SETBP1: variants seen among roughly 807,000 people sequenced by gnomAD.
SETBP1 encodes the protein SET-binding protein.
In SETBP1, 9 loss-of-function variants were observed where a neutral mutation model predicts 101.0. That is an observed-to-expected ratio of 0.09 (90% confidence interval 0.05 to 0.16). The LOEUF is 0.16. Ranked by LOEUF, SETBP1 falls within the 10% of genes least tolerant of loss-of-function variation. SETBP1 has a pLI of 1.00. For missense variants in SETBP1, 1,858 were observed against 2,033.8 expected (o/e 0.91, Z 1.66); for synonymous variants, 818 against 788.5 (o/e 1.04, Z -0.63).
At chr18:44,976,185 C>A (rs2071984392) in intron 4 of SETBP1, among the ~76,000 whole-genome samples, 1 of 151,768 alleles carries the variant, frequency 6.6e-6, no homozygotes, top group Admixed American at 6.6e-5. Flanking sequence ...TGCACAAGGC[C>A]CAGGAAATGT....
chr18:44,870,359 A>C (rs2069245083), intron 3 of SETBP1: 1 of 152,246 alleles, frequency 6.6e-6, no homozygotes, highest in African/African-American at 2.4e-5. Context: ...CAGATCACAC[A>C]GAGAGCTAGG....
At chr18:44,776,183 G>A (rs772243144) in intron 2 of SETBP1, among the ~76,000 whole-genome samples, 3 of 152,070 alleles carry the variant, frequency 2.0e-5, no homozygotes, top group Non-Finnish European at 4.4e-5. Flanking sequence ...CAAGCAAGAA[G>A]CACTTTTCTT....
At chr18:44,876,346 C>T (rs1221088898) in intron 3 of SETBP1, among the ~76,000 whole-genome samples, 3 of 152,190 alleles carry the variant, frequency 2.0e-5, no homozygotes, top group African/African-American at 7.2e-5. Flanking sequence ...CACCCTCCCA[C>T]ACCCCCACAC....
chr18:44,760,725 T>G (rs2070618869), intron 2 of SETBP1, among the ~76,000 whole-genome samples: 1 of 152,172 alleles, frequency 6.6e-6, no homozygotes, highest in African/African-American at 2.4e-5. Context: ...TAGAATTTGA[T>G]TTTTTTATAA....
At chr18:45,030,985 G>A (rs575784274) in intron 4 of SETBP1, among the ~76,000 whole-genome samples, 14 of 151,802 alleles carry the variant, frequency 9.2e-5, no homozygotes, top group Admixed American at 9.2e-4. Context: ...TTAATTTTTT[G>A]AAGGGTTTTT....
chr18:44,722,202 G>T (rs2069615315), intron 2 of SETBP1, among the ~76,000 whole-genome samples: 1 of 152,142 alleles, frequency 6.6e-6, no homozygotes, highest in Non-Finnish European at 1.5e-5. Flanking sequence ...ATGTTTGGGG[G>T]GCCTGGATTT....
Position 44,952,641 on chromosome 18 carries a change from G to A in SETBP1, c.3301G>A (p.Val1101Ile), listed in dbSNP as rs3744825. ...PPPQFHTNSHVKMSGAAKHKA... is the reference protein window; with the variant it reads ...PPPQFHTNSHIKMSGAAKHKA... ...ACCTCAGTTCCACACAAACTCCCACGTAAAGATGTCCGGTGCAGCTAAGCA... is the reference window on the plus strand; with the variant it reads ...ACCTCAGTTCCACACAAACTCCCACATAAAGATGTCCGGTGCAGCTAAGCA... Residue 1101 changes from valine (V) to isoleucine (I), a missense_variant, in exon 4 of 6, where the codon GTA becomes ATA. Val to Ile is a conservative substitution (Grantham distance 29). This residue lies in a region of SETBP1 where 255 missense variants were observed against 300.1 expected (regional missense o/e 0.85). Coordinates refer to ENST00000649279, the MANE Select transcript of SETBP1 (RefSeq NM_015559.3). The A allele has an allele frequency of 0.13, 204,149 of 1,613,728 alleles. 14,285 individuals are homozygous for A. Among genetic ancestry groups the A allele is most frequent in the East Asian group, 0.31 (13,763 of 44,844 alleles).
chr18:44,851,048 G>T (rs949733438), intron 2 of SETBP1, among the ~76,000 whole-genome samples: 1 of 152,172 alleles, frequency 6.6e-6, no homozygotes, highest in African/African-American at 2.4e-5. Flanking sequence ...GTCCTGAAGT[G>T]CACTATGTAA....
chr18:44,740,357 G>A (rs2070069090), intron 2 of SETBP1, among the ~76,000 whole-genome samples: 1 of 152,284 alleles, frequency 6.6e-6, no homozygotes, highest in East Asian at 1.9e-4. Flanking sequence ...CAAGAAAGTG[G>A]TTATCAGGAC....
chr18:44,947,678 G>A (rs546985736), intron 3 of SETBP1, among the ~76,000 whole-genome samples: 3 of 152,114 alleles, frequency 2.0e-5, no homozygotes, highest in Admixed American at 2.0e-4. Context: ...GGCTAATTTT[G>A]TATTTTTAGT....
At chr18:44,680,759 CT>C, upstream of SETBP1, 1 of 152,332 alleles carries the variant, frequency 6.6e-6, no homozygotes, top group Non-Finnish European at 1.5e-5. Flanking sequence ...CGCCCCCCGC[CT>C]TTTGCACCCT....
intron 2 of SETBP1, among the ~76,000 whole-genome samples, chr18:44,780,145 T>C (rs1369337756): frequency 2.6e-5 from 4 of 152,208 alleles, no homozygotes. Flanking sequence ...AGACAAGCCC[T>C]GCTCCTCCAA....
intron 3 of SETBP1, among the ~76,000 whole-genome samples, chr18:44,911,707 C>T (rs1599310834): frequency 1.3e-5 from 2 of 152,310 alleles, no homozygotes; most frequent in South Asian, 2.1e-4. Context: ...CCTCTGAGCT[C>T]TCCAATGAAA....
rs1685023607 is a variant in SETBP1, at chr18:44,950,664, A to C, written c.1324A>C (p.Thr442Pro). Reference protein sequence around the residue: ...MPEKALASGITMSSEVVNRIL... With the variant: ...MPEKALASGIPMSSEVVNRIL... ...AGAGAAAGCCTTGGCTTCTGGAATC[A>C]CCATGAGCAGTGAAGTAGTTAACAG... is the stretch of plus-strand genomic sequence containing the variant. Residue 442 changes from threonine (T) to proline (P), a missense_variant, in exon 4 of 6, where the codon ACC (threonine) becomes CCC (proline). Thr to Pro is a conservative substitution (Grantham distance 38). This residue lies in a region of SETBP1 where 581 missense variants were observed against 535.1 expected (regional missense o/e 1.09). Coordinates refer to ENST00000649279, the MANE Select transcript of SETBP1 (RefSeq NM_015559.3). 2 of 1,614,166 alleles carry C rather than the reference A, an allele frequency of 1.2e-6. No individual in the cohort carries two copies. Among genetic ancestry groups the C allele is most frequent in the Non-Finnish European group, 1.7e-6 (2 of 1,180,032 alleles).
At chr18:44,733,703 C>T (rs2069893104) in intron 2 of SETBP1, among the ~76,000 whole-genome samples, 1 of 152,180 alleles carries the variant, frequency 6.6e-6, no homozygotes, top group African/African-American at 2.4e-5. Context: ...AACCCTCTTT[C>T]AGTGTTCCAT....
intron 2 of SETBP1, among the ~76,000 whole-genome samples, chr18:44,762,945 T>C (rs1341857803): frequency 2.0e-5 from 3 of 152,226 alleles, no homozygotes; most frequent in Admixed American, 6.5e-5. Flanking sequence ...AAGTATTACA[T>C]AGAATAAAGA....
chr18:44,950,574 G>A lies in SETBP1; in HGVS notation c.1234G>A (p.Asp412Asn). The A allele has an allele frequency of 6.2e-7, 1 of 1,614,030 alleles. No homozygotes were observed. The highest frequency in any genetic ancestry group is 1.1e-5 in the South Asian group (1 of 91,082). The change falls in exon 4 of 6, where the codon GAT becomes AAT. Residue 412 changes from aspartate (D) to asparagine (N), a missense_variant. By Grantham distance (23) the Asp-to-Asn change is conservative (BLOSUM62 1). Coordinates refer to ENST00000649279, the MANE Select transcript of SETBP1 (RefSeq NM_015559.3). ...ITIPIKAPSLDPTNHKRKKRQ... is the reference protein window; with the variant it reads ...ITIPIKAPSLNPTNHKRKKRQ... ...TATCCCCATCAAGGCACCCTCTCTG[G>A]ATCCAACCAACCATAAGAGGAAAAA...
chr18:44,851,641 C>A (rs1313587356), intron 2 of SETBP1, among the ~76,000 whole-genome samples: 4 of 152,204 alleles, frequency 2.6e-5, no homozygotes, highest in Non-Finnish European at 5.9e-5. Flanking sequence ...TCCTTTTACA[C>A]ACACAAGTGC....
At chr18:44,947,641 G>T (rs62090476) in intron 3 of SETBP1, among the ~76,000 whole-genome samples, 11,056 of 151,970 alleles carry the variant, frequency 0.073, 549 homozygotes, top group South Asian at 0.14. Context: ...CAAGTAGCTG[G>T]GATTACAGGC....
Sources: allele counts gnomAD v4.1 joint callset (sites outside exome capture counted in the v4.1 genomes callset), GRCh38; gene constraint gnomAD v4.1.1; regional missense constraint gnomAD v4.1.1; transcripts MANE v1.5; gene names NCBI Gene and HGNC (gene_info 2026-07-23, HGNC 2026-07-21).